Variants in PPIG observed in about 807,000 individuals in gnomAD.
PPIG encodes the protein peptidylprolyl isomerase G, also known as peptidyl-prolyl cis-trans isomerase G.
PPIG carries 26 observed loss-of-function variants against 87.9 expected under a neutral mutation model. That is an observed-to-expected ratio of 0.30 (90% CI 0.22 to 0.41). PPIG has a LOEUF of 0.41. Among genes scored for constraint, PPIG ranks in the 10% least tolerant of loss-of-function variants. The pLI is 1.00. For synonymous variants in PPIG, 308 were observed against 276.5 expected (o/e 1.11, Z -1.13); for missense variants, 722 against 879.4 (o/e 0.82, Z 2.26).
Position 169,636,756 on chromosome 2 carries a change from A to G in PPIG, c.1498A>G (p.Lys500Glu). The G allele has an allele frequency of 1.9e-6, 3 of 1,612,288 alleles. No homozygotes were observed. The highest frequency in any genetic ancestry group is 1.7e-6 in the Non-Finnish European group (2 of 1,179,734). ...KGRDHENVKE[K>E]EKQSDSKGKD... ...AAGGGATCATGAAAATGTTAAAGAAAAAGAAAAGCAGTCTGATTCTAAAGG... is the reference window on the plus strand; with the variant it reads ...AAGGGATCATGAAAATGTTAAAGAAGAAGAAAAGCAGTCTGATTCTAAAGG... Residue 500 changes from lysine to glutamate, a missense_variant, in exon 14 of 14, where the codon AAA (lysine) becomes GAA (glutamate). Coordinates refer to ENST00000260970, the MANE Select transcript of PPIG (RefSeq NM_004792.3).
At chr2:169,608,965 T>A (rs563952996) in intron 7 of PPIG, among the ~76,000 whole-genome samples, 1 of 151,146 alleles carries the variant, frequency 6.6e-6, no homozygotes, top group African/African-American at 2.4e-5. Context: ...ACGCCTGTAG[T>A]CCCAGCTACT....
chr2:169,629,352 C>T (rs778123412), intron 9 of PPIG, among the ~76,000 whole-genome samples: 1 of 152,160 alleles, frequency 6.6e-6, no homozygotes, highest in Non-Finnish European at 1.5e-5. Flanking sequence ...TAATGATACA[C>T]ACATACACAT....
At chr2:169,596,590 A>G (rs982938700) in intron 1 of PPIG, among the ~76,000 whole-genome samples, 4 of 152,150 alleles carry the variant, frequency 2.6e-5, no homozygotes, top group African/African-American at 4.8e-5. Flanking sequence ...CTCACTCCCC[A>G]TGAAACCTAA....
chr2:169,594,463 T>G (rs1684964003), intron 1 of PPIG, among the ~76,000 whole-genome samples: 3 of 152,048 alleles, frequency 2.0e-5, no homozygotes. Flanking sequence ...TTGCTAACAT[T>G]ATGGTGTAAA....
chr2:169,589,023 G>A (rs1041441504), intron 1 of PPIG, among the ~76,000 whole-genome samples: 3 of 150,346 alleles, frequency 2.0e-5, no homozygotes, highest in Admixed American at 6.7e-5. Context: ...AGTATTAGCC[G>A]TGAGTTCCCA....
intron 9 of PPIG, among the ~76,000 whole-genome samples, chr2:169,627,688 CT>C (rs1409385472): frequency 6.9e-6 from 1 of 145,110 alleles, no homozygotes; most frequent in African/African-American, 2.6e-5. Flanking sequence ...AGCCATGCCC[CT>C]AGCCAGTGGG....
intron 9 of PPIG, among the ~76,000 whole-genome samples, chr2:169,615,194 G>A (rs1478505912): frequency 6.6e-6 from 1 of 151,948 alleles, no homozygotes; most frequent in Non-Finnish European, 1.5e-5. Context: ...GACTACAAGC[G>A]CCCACCACCA....
At position 169,620,888 on chromosome 2, in the gene PPIG, G is replaced by T. The variant is rs138226070; in HGVS notation, c.547+6164G>T. Among the ~76,000 whole-genome samples, 122 of 152,182 alleles carry T rather than the reference G, an allele frequency of 8.0e-4. 3 individuals are homozygous for T. The East Asian group carries it at 0.023, about 29-fold the overall frequency. On this transcript the variant is annotated intron_variant, in intron 9 of 13. Coordinates refer to ENST00000260970, the MANE Select transcript of PPIG (RefSeq NM_004792.3). Reference sequence around the variant, plus strand: ...AGTAGTAAAACCTTAAACTGACTCTGTTCTTACTAATCTAGGGAATAATAA... The same window carrying T: ...AGTAGTAAAACCTTAAACTGACTCTTTTCTTACTAATCTAGGGAATAATAA...
chr2:169,599,294 G>A (rs1399447305), intron 1 of PPIG, among the ~76,000 whole-genome samples: 4 of 152,064 alleles, frequency 2.6e-5, no homozygotes, highest in Admixed American at 1.3e-4. Flanking sequence ...TTCATTTCAT[G>A]GGGGTATTTT....
chr2:169,611,605 T>C (rs77796406), intron 7 of PPIG, among the ~76,000 whole-genome samples: 15,204 of 152,254 alleles, frequency 0.1, 960 homozygotes, highest in Middle Eastern at 0.19. Context: ...ATGTTGATTT[T>C]CAAAAGGAAA....
At chr2:169,624,164 G>A (rs1685824623) in intron 9 of PPIG, among the ~76,000 whole-genome samples, 1 of 152,018 alleles carries the variant, frequency 6.6e-6, no homozygotes, top group Admixed American at 6.6e-5. Flanking sequence ...ACAAGGTCTC[G>A]CTATGTTGCC....
intron 1 of PPIG, among the ~76,000 whole-genome samples, chr2:169,601,275 T>C (rs1382473922): frequency 6.6e-6 from 1 of 152,202 alleles, no homozygotes; most frequent in Non-Finnish European, 1.5e-5. Context: ...TTCTCACTTA[T>C]GCCTATCCTC....
chr2:169,584,357 C>T lies in PPIG; in HGVS notation c.-203C>T, dbSNP rs1012193910. ...CTCCTGACGCGCTTCCGGTGCGACG[C>T]TGTCTCTCCATGCCAGGACTGAGTT... On this transcript the variant is annotated 5_prime_UTR_variant, in exon 1 of 14. Coordinates refer to ENST00000260970, the MANE Select transcript of PPIG (RefSeq NM_004792.3). 12 of 471,000 alleles carry T rather than the reference C, an allele frequency of 2.5e-5. No individual in the cohort carries two copies. The highest frequency in any genetic ancestry group is 4.0e-5 in the Non-Finnish European group (9 of 227,052). The allele number at this position is 471,000 out of a possible 1,614,324, so 29.2% of individuals were successfully genotyped here.
intron 1 of PPIG, chr2:169,584,702 G>T (rs1684649029): frequency 6.1e-6 from 2 of 328,332 alleles, no homozygotes; most frequent in Non-Finnish European, 5.8e-6. Flanking sequence ...GAAGGAGAAG[G>T]CTTGCAGTCG....
chr2:169,627,265 A>C (rs924425161), intron 9 of PPIG, among the ~76,000 whole-genome samples: 3 of 148,342 alleles, frequency 2.0e-5, no homozygotes, highest in African/African-American at 7.5e-5. Flanking sequence ...CACTTGGCTA[A>C]TTTTTGTATT....
At chr2:169,600,246 T>C (rs1685142818) in intron 1 of PPIG, among the ~76,000 whole-genome samples, 1 of 152,024 alleles carries the variant, frequency 6.6e-6, no homozygotes, top group Admixed American at 6.6e-5. Context: ...GTCTAATTTT[T>C]GTATTTTTTG....
chr2:169,584,726 G>T (rs1484444843), intron 1 of PPIG: 1 of 314,762 alleles, frequency 3.2e-6, no homozygotes, highest in Admixed American at 5.0e-5. Flanking sequence ...CCCGGGGCCT[G>T]GGGACGGTCC....
rs1185938742 is a variant in PPIG at position 169,584,471 on chromosome 2, G to A, written c.-89G>A. ...TTCAAAGGACCGGACCCAGAGAAGA[G>A]GAAAACTCTACCGGTGCAGGTAAGT... On this transcript the variant is annotated 5_prime_UTR_variant, in exon 1 of 14. Coordinates refer to ENST00000260970, the MANE Select transcript of PPIG (RefSeq NM_004792.3). 1 of 470,866 alleles carries A rather than the reference G, an allele frequency of 2.1e-6. No homozygotes were observed. Among genetic ancestry groups the A allele is most frequent in the Admixed American group, 2.4e-5 (1 of 42,536 alleles). 29.2% of individuals were successfully genotyped at this position (470,866 alleles called of 1,614,324 possible).
Position 169,636,996 on chromosome 2 carries a change from C to CTGT in PPIG, c.1738_1739insTGT (p.His580delinsLeuTyr), listed in dbSNP as rs1227467683. The CTGT allele has an allele frequency of 6.2e-7, 1 of 1,613,642 alleles. No individual in the cohort carries two copies. The highest frequency in any genetic ancestry group is 2.2e-5 in the East Asian group (1 of 44,870). ...AAGCAGAAGAGTGCGATCAAGAACCCATGACAGAGATCGCAGCAGAAGCAA... is the reference window on the plus strand; with the variant it reads ...AAGCAGAAGAGTGCGATCAAGAACCCTGTATGACAGAGATCGCAGCAGAAGCAA... On this transcript the variant is annotated protein_altering_variant, in exon 14 of 14. Transcript: ENST00000260970.
Sources: allele counts gnomAD v4.1 joint callset (sites outside exome capture counted in the v4.1 genomes callset), GRCh38; gene constraint gnomAD v4.1.1; transcripts MANE v1.5; gene names NCBI Gene and HGNC (gene_info 2026-07-23, HGNC 2026-07-21).